The following LZTR1 variants were observed in gnomAD, a reference collection of about 807,000 sequenced individuals.
LZTR1 encodes leucine-zipper-like transcriptional regulator 1.
A neutral mutation model predicts 105.7 loss-of-function variants in LZTR1; 260 were observed. That is an observed-to-expected ratio of 2.46 (90% CI 2.22 to 2.72). LZTR1 has a LOEUF of 2.72. Among genes scored for constraint, LZTR1 ranks in the 30% most tolerant of loss-of-function variants. The pLI is 0.00. For synonymous variants in LZTR1, 490 were observed against 476.4 expected (o/e 1.03, Z -0.37); for missense variants, 1,214 against 1,166.9 (o/e 1.04, Z -0.59).
chr22:20,996,097 C>T lies in LZTR1; in HGVS notation c.2204C>T (p.Pro735Leu). 2 of 1,612,682 alleles carry T rather than the reference C, an allele frequency of 1.2e-6. No homozygotes were observed. The highest frequency in any genetic ancestry group is 1.7e-6 in the Non-Finnish European group (2 of 1,179,942). The change falls in exon 18 of 21, where the codon CCG (proline) becomes CTG (leucine). Residue 735 changes from proline (P) to leucine (L), a missense_variant. Transcript: ENST00000646124. Reference protein sequence around the residue: ...RYIYYGEVNMPPEDSLYLFAA... With the variant: ...RYIYYGEVNMLPEDSLYLFAA... The stretch of plus-strand genomic sequence containing the variant: ...ATCTACTACGGCGAGGTCAACATGC[C>T]GCCCGAGGACTCGCTGCATCCTCAC...
At chr22:20,988,706 C>A (rs1186331674) in intron 5 of LZTR1, 83 bp from the exon 6 acceptor site, 2 of 966,926 alleles carry the variant, frequency 2.1e-6, no homozygotes, top group Non-Finnish European at 3.4e-6. Context: ...CTGGCTGTGG[C>A]CCCTGCACTG....
chr22:20,997,448 A>G lies in LZTR1; in HGVS notation c.*100A>G, dbSNP rs1339436182. ...TGCGCATGCCTATGGCAGTGGGTGCACCTGCCAGGCCAAGGGTCAGGGTGC... is the reference window on the plus strand; with the variant it reads ...TGCGCATGCCTATGGCAGTGGGTGCGCCTGCCAGGCCAAGGGTCAGGGTGC... On this transcript the variant is annotated 3_prime_UTR_variant, in exon 21 of 21. Coordinates refer to ENST00000646124, the MANE Select transcript of LZTR1 (RefSeq NM_006767.4). The G allele has an allele frequency of 1.1e-6, 1 of 933,786 alleles. No homozygotes were observed. The allele number at this position is 933,786 out of a possible 1,614,324, so 57.8% of individuals were successfully genotyped here.
At position 20,994,676 on chromosome 22, in the gene LZTR1, C is replaced by A. The variant is rs199619910; in HGVS notation, c.1734C>A (p.Asn578Lys). ...QYIEASVDLQ[N>K]VLVVCESAAR... ...TCGAGGCCTCCGTGGACCTGCAGAACGTGCTGGTTGTGTGCGAGAGTGCCG... is the reference window on the plus strand; with the variant it reads ...TCGAGGCCTCCGTGGACCTGCAGAAAGTGCTGGTTGTGTGCGAGAGTGCCG... Residue 578 changes from asparagine to lysine, a missense_variant, in exon 15 of 21, where the codon AAC (asparagine) becomes AAA (lysine). Transcript: ENST00000646124. 1.2e-6 allele frequency: 2 copies of A among 1,612,924 alleles called. No individual in the cohort carries two copies. Among genetic ancestry groups the A allele is most frequent in the Non-Finnish European group, 1.7e-6 (2 of 1,179,948 alleles).
At chr22:20,986,103 T>C (rs973446340) in intron 3 of LZTR1, 32 of 600,148 alleles carry the variant, frequency 5.3e-5, no homozygotes, top group African/African-American at 3.9e-4. Flanking sequence ...CACCTGCAGC[T>C]GCCAAGCTGG....
At position 20,988,876 on chromosome 22, in the gene LZTR1, G is replaced by A; in HGVS notation, c.593+4G>A. The A allele has an allele frequency of 6.2e-7, 1 of 1,613,660 alleles. No individual in the cohort carries two copies. Among genetic ancestry groups the A allele is most frequent in the Non-Finnish European group, 8.5e-7 (1 of 1,179,778 alleles). ...CTGGCTATGACGGCAACGCCAGGTG[G>A]GTGGTGGTCCGGCCTGTGCACCCCA... On this transcript the variant is annotated splice_donor_region_variant and intron_variant, in intron 6 of 20. Coordinates refer to ENST00000646124, the MANE Select transcript of LZTR1 (RefSeq NM_006767.4).
chr22:20,983,424 G>T (rs1053576338), intron 2 of LZTR1, among the ~76,000 whole-genome samples: 1 of 152,166 alleles, frequency 6.6e-6, no homozygotes, highest in African/African-American at 2.4e-5. Context: ...GTGCCTCATC[G>T]GTATGGAGGA....
chr22:20,995,012 A>G lies in LZTR1; in HGVS notation c.1928A>G (p.Gln643Arg), dbSNP rs1466979527. ...CCGCCCCCTCGCACTCCCTTGGACC[A>G]GCCAGTGGACATTGGTAGGGAGCCC... Reference protein sequence around the residue: ...QQPPPRTPLDQPVDIGTSLIQ... With the variant: ...QQPPPRTPLDRPVDIGTSLIQ... The change falls in exon 16 of 21, where the codon CAG (glutamine) becomes CGG (arginine). Residue 643 changes from glutamine to arginine, a missense_variant. Physicochemically the swap from Gln to Arg is conservative, Grantham distance 43 (BLOSUM62 1). Coordinates refer to ENST00000646124, the MANE Select transcript of LZTR1 (RefSeq NM_006767.4). 6.2e-7 allele frequency: 1 copy of G among 1,610,564 alleles called. No individual in the cohort carries two copies. The highest frequency in any genetic ancestry group is 1.1e-5 in the South Asian group (1 of 90,910).
chr22:20,996,030 A>C lies in LZTR1; in HGVS notation c.2137A>C (p.Met713Leu). Residue 713 changes from methionine to leucine, a missense_variant, in exon 18 of 21, where the codon ATG (methionine) becomes CTG (leucine). Physicochemically the swap from Met to Leu is conservative, Grantham distance 15 (BLOSUM62 2). Coordinates refer to ENST00000646124, the MANE Select transcript of LZTR1 (RefSeq NM_006767.4). ...GCAGGTGAACATCTCCATCGGGGAG[A>C]TGGTGCCCAGCAGGCAGGCCTTCGA... ...DGQVNISIGE[M>L]VPSRQAFESM... 1 of 1,613,598 alleles carries C rather than the reference A, an allele frequency of 6.2e-7. No individual in the cohort carries two copies.
chr22:20,990,522 A>G lies in LZTR1; in HGVS notation c.788A>G (p.Lys263Arg), dbSNP rs144573377. The change falls in exon 8 of 21, where the codon AAG (lysine) becomes AGG (arginine). Residue 263 changes from lysine to arginine, a missense_variant. By Grantham distance (26) the Lys-to-Arg change is conservative. Coordinates refer to ENST00000646124, the MANE Select transcript of LZTR1 (RefSeq NM_006767.4). ...CTCTTCCAGTTTGAATTCAAGGACA[A>G]GACGTGAGTACTCTGGCCAGTGGGG... ...NNLFQFEFKD[K>R]TWTRIPTEHL... The G allele has an allele frequency of 9.3e-6, 15 of 1,609,912 alleles. No homozygotes were observed. The highest frequency in any genetic ancestry group is 1.3e-5 in the Non-Finnish European group (15 of 1,177,642).
At chr22:20,993,813 C>T in intron 12 of LZTR1, 59 bp downstream of exon 12, 2 of 1,575,636 alleles carry the variant, frequency 1.3e-6, no homozygotes, top group South Asian at 1.1e-5. Flanking sequence ...GGGAATTTCG[C>T]CCCTCAGAAA....
chr22:20,986,013 CAGG>C, intron 3 of LZTR1, 116 bp downstream of exon 3: 1 of 1,131,760 alleles, frequency 8.8e-7, no homozygotes, highest in Non-Finnish European at 1.3e-6. Context: ...AAGAAGCTTC[CAGG>C]AGGAGATAAC....
In LZTR1 at chr22:20,995,777, C is replaced by G. The variant is rs939793375; in HGVS notation, c.1974C>G (p.Tyr658Ter). Reference sequence around the variant, plus strand: ...CTCTGATCCAGGACATGAAGGCATACCTGGAGGGAGCGGGCGCGGAATTCT... The same window carrying G: ...CTCTGATCCAGGACATGAAGGCATAGCTGGAGGGAGCGGGCGCGGAATTCT... The part of the protein sequence containing the change: ...GTSLIQDMKA[Y>*]LEGAGAEFCD... The change falls in exon 17 of 21, where the codon TAC becomes TAG. Residue 658 changes from tyrosine to a stop codon, truncating the protein, a stop_gained. Coordinates refer to ENST00000646124, the MANE Select transcript of LZTR1 (RefSeq NM_006767.4). LOFTEE classifies it high-confidence loss of function. 4.3e-6 allele frequency: 7 copies of G among 1,613,572 alleles called. No homozygotes were observed. Among genetic ancestry groups the G allele is most frequent in the Non-Finnish European group, 5.9e-6 (7 of 1,180,022 alleles).
chr22:20,994,452 C>G, intron 14 of LZTR1, 106 bp from the exon 15 acceptor site: 1 of 1,360,626 alleles, frequency 7.3e-7, no homozygotes, highest in Non-Finnish European at 1.0e-6. Flanking sequence ...AGGCCTTGTT[C>G]CTACCTAGTG....
In LZTR1 at chr22:20,992,818, G is replaced by C; in HGVS notation, c.1174G>C (p.Ala392Pro). The change falls in exon 11 of 21, where the codon GCG (alanine) becomes CCG (proline). Residue 392 changes from alanine to proline, a missense_variant. By Grantham distance (27) the Ala-to-Pro change is conservative. Coordinates refer to ENST00000646124, the MANE Select transcript of LZTR1 (RefSeq NM_006767.4). ...SELPSGRLFH[A>P]AAVISDAMYI... ...GCTGCCCAGTGGGAGGCTCTTCCAC[G>C]CGGCTGCTGTCATCTCGGACGCCAT... 1 of 1,604,788 alleles carries C rather than the reference G, an allele frequency of 6.2e-7. No individual in the cohort carries two copies. Among genetic ancestry groups the C allele is most frequent in the Non-Finnish European group, 8.5e-7 (1 of 1,175,604 alleles).
chr22:20,994,368 C>G (rs958961200), intron 14 of LZTR1, 99 bp downstream of exon 14: 1 of 1,391,694 alleles, frequency 7.2e-7, no homozygotes. Context: ...CTGATGGGCC[C>G]CCTGAGGCTC....
intron 2 of LZTR1, among the ~76,000 whole-genome samples, chr22:20,984,478 C>T (rs2147958483): frequency 6.6e-6 from 1 of 152,240 alleles, no homozygotes; most frequent in South Asian, 2.1e-4. Flanking sequence ...AACTGTGTAG[C>T]AATAAGCAGA....
intron 10 of LZTR1, chr22:20,992,588 G>T (rs1924645122): frequency 1.6e-6 from 1 of 642,940 alleles, no homozygotes; most frequent in Non-Finnish European, 2.7e-6. Context: ...CACTCTGAGG[G>T]TCTCCATGGC....
chr22:20,993,871 T>G, intron 12 of LZTR1, 53 bp from the exon 13 acceptor site: 1 of 1,586,116 alleles, frequency 6.3e-7, no homozygotes, highest in Non-Finnish European at 8.6e-7. Flanking sequence ...TGGGTCTCTG[T>G]TCTCTGGGGC....
In LZTR1 at chr22:20,995,987, CTTCATGCCCGAA is replaced by C; in HGVS notation, c.2095_2106del (p.Phe699_Glu702del). On this transcript the variant is annotated inframe_deletion, in exon 18 of 21. Transcript: ENST00000646124. ...GCTACTTTGAAGCCATGTTCCGGTCCTTCATGCCCGAAGATGGGCAGGTGAACATCTCCATCG... is the reference window on the plus strand; with the variant it reads ...GCTACTTTGAAGCCATGTTCCGGTCCGATGGGCAGGTGAACATCTCCATCG... The C allele has an allele frequency of 6.2e-7, 1 of 1,613,780 alleles. No individual in the cohort carries two copies. Among genetic ancestry groups the C allele is most frequent in the Non-Finnish European group, 8.5e-7 (1 of 1,180,032 alleles).
Sources: gnomAD v4.1 joint callset for allele counts (sites outside exome capture counted in the v4.1 genomes callset) on GRCh38, gnomAD v4.1.1 for gene constraint, MANE v1.5 for transcripts, NCBI Gene and HGNC (gene_info 2026-07-23, HGNC 2026-07-21) for gene names.